NSUN6: variants seen among roughly 807,000 people sequenced by gnomAD.
NSUN6 encodes the protein NOP2/Sun RNA methyltransferase 6.
A neutral mutation model predicts 58.0 loss-of-function variants in NSUN6; 64 were observed. The observed-to-expected ratio is 1.10, with a 90% CI of 0.90 to 1.36. The LOEUF (loss-of-function observed/expected upper bound fraction) is 1.36, where lower values mean the gene tolerates loss of function less well. Ranked by LOEUF, NSUN6 falls within the 40% of genes most tolerant of loss-of-function variation. The pLI is 0.00. For synonymous variants in NSUN6, 231 were observed against 193.9 expected (o/e 1.19, Z -1.59); for missense variants, 701 against 550.1 (o/e 1.27, Z -2.74).
intron 8 of NSUN6, among the ~76,000 whole-genome samples, chr10:18,585,178 A>C (rs1189020988): frequency 1.3e-5 from 2 of 152,182 alleles, no homozygotes; most frequent in Non-Finnish European, 2.9e-5. Flanking sequence ...ATATGCCGGC[A>C]AGGATGCAGA....
intron 8 of NSUN6, among the ~76,000 whole-genome samples, chr10:18,569,283 T>A (rs1241107147): frequency 6.6e-6 from 1 of 150,598 alleles, no homozygotes; most frequent in Non-Finnish European, 1.5e-5. Flanking sequence ...CCATTCTCCA[T>A]ACCATCCTCC....
Position 18,614,562 on chromosome 10 carries a change from C to T in NSUN6, c.473G>A (p.Cys158Tyr), listed in dbSNP as rs1430645827. 2.0e-6 allele frequency: 3 copies of T among 1,523,532 alleles called. No individual in the cohort carries two copies. The highest frequency in any genetic ancestry group is 2.5e-5 in the South Asian group (2 of 81,584). 94.4% of individuals were successfully genotyped at this position (1,523,532 alleles called of 1,614,324 possible). The change falls in exon 5 of 11, where the codon TGT becomes TAT. Residue 158 changes from cysteine to tyrosine, a missense_variant. Transcript: ENST00000377304. ...ATCAAATTCTTTGGCTCCTTTCTTA[C>T]ATTTTCCTTTAATATCAGAGTATAC... The part of the protein sequence containing the change: ...ISVYSDIKGK[C>Y]KKGAKEFDGT...
upstream of NSUN6, among the ~76,000 whole-genome samples, chr10:18,655,429 T>C (rs1370671447): frequency 6.6e-6 from 1 of 152,200 alleles, no homozygotes; most frequent in Non-Finnish European, 1.5e-5. Context: ...GGTAGAGTGC[T>C]TTAAATGGTA....
intron 2 of NSUN6, among the ~76,000 whole-genome samples, chr10:18,643,581 T>A (rs1454372179): frequency 6.6e-6 from 1 of 152,176 alleles, no homozygotes; most frequent in Non-Finnish European, 1.5e-5. Flanking sequence ...AGTCACCAGC[T>A]CTCTGAACTT....
chr10:18,569,701 C>T (rs1777410077), intron 8 of NSUN6, among the ~76,000 whole-genome samples: 1 of 150,168 alleles, frequency 6.7e-6, no homozygotes, highest in Non-Finnish European at 1.5e-5. Context: ...CTCCATTCCA[C>T]TCTCCATTCT....
chr10:18,631,809 C>G (rs1037861496), intron 3 of NSUN6, among the ~76,000 whole-genome samples: 21 of 151,976 alleles, frequency 1.4e-4, no homozygotes, highest in African/African-American at 4.6e-4. Flanking sequence ...GAATCAATAT[C>G]GTAAAAATGG....
intron 8 of NSUN6, among the ~76,000 whole-genome samples, chr10:18,573,994 C>T (rs1190716329): frequency 1.3e-5 from 2 of 152,036 alleles, no homozygotes; most frequent in Non-Finnish European, 2.9e-5. Context: ...TTAATCAAGT[C>T]GAGGAGCTGA....
upstream of NSUN6, chr10:18,654,497 C>T (rs1412587398): frequency 6.6e-6 from 1 of 152,230 alleles, no homozygotes; most frequent in Non-Finnish European, 1.5e-5. Flanking sequence ...GTCACCCATT[C>T]ACCCATAAAT....
intron 3 of NSUN6, among the ~76,000 whole-genome samples, chr10:18,622,132 C>A (rs1042916357): frequency 1.3e-5 from 2 of 152,102 alleles, no homozygotes; most frequent in African/African-American, 4.8e-5. Context: ...CCAAAATTCA[C>A]ATGCTGAAAC....
chr10:18,582,156 C>T (rs1192473786), intron 8 of NSUN6, among the ~76,000 whole-genome samples: 1 of 152,184 alleles, frequency 6.6e-6, no homozygotes, highest in Non-Finnish European at 1.5e-5. Context: ...GAGATCTTAT[C>T]AGAATGCTGA....
chr10:18,601,741 G>T (rs779594590), intron 6 of NSUN6, among the ~76,000 whole-genome samples: 6 of 152,022 alleles, frequency 3.9e-5, no homozygotes, highest in Non-Finnish European at 8.8e-5. Context: ...CCAGGACTTC[G>T]GGAAGCTGAG....
At chr10:18,619,972 T>C (rs1446518746) in intron 3 of NSUN6, among the ~76,000 whole-genome samples, 1 of 152,206 alleles carries the variant, frequency 6.6e-6, no homozygotes, top group Non-Finnish European at 1.5e-5. Context: ...TAAATATTCA[T>C]TGAAAACATT....
At chr10:18,550,691 A>T (rs1026402916) in intron 9 of NSUN6, among the ~76,000 whole-genome samples, 1 of 147,566 alleles carries the variant, frequency 6.8e-6, no homozygotes, top group Admixed American at 6.8e-5. Context: ...TTTGCTCCCT[A>T]TTGGGCCTTC....
intron 7 of NSUN6, among the ~76,000 whole-genome samples, chr10:18,587,840 A>T (rs1335627138): frequency 6.6e-6 from 1 of 151,366 alleles, no homozygotes; most frequent in Non-Finnish European, 1.5e-5. Context: ...CAAGCACAAA[A>T]CTGGGCGGCC....
chr10:18,638,396 C>T (rs141097706), intron 3 of NSUN6, among the ~76,000 whole-genome samples: 3,225 of 152,182 alleles, frequency 0.021, 42 homozygotes, highest in Middle Eastern at 0.061. Flanking sequence ...GAGCCAAGAT[C>T]GTGCCACTGC....
intron 2 of NSUN6, among the ~76,000 whole-genome samples, chr10:18,648,272 T>C (rs992855756): frequency 1.3e-5 from 2 of 152,182 alleles, no homozygotes; most frequent in African/African-American, 4.8e-5. Context: ...AATGAGCTAT[T>C]TTAGTCACCA....
chr10:18,601,701 G>A (rs1250655756), intron 6 of NSUN6, among the ~76,000 whole-genome samples: 2 of 152,134 alleles, frequency 1.3e-5, no homozygotes, highest in African/African-American at 4.8e-5. Flanking sequence ...AAGGAAATAA[G>A]GCTGGGTCTG....
At chr10:18,582,687 T>C (rs976121181) in intron 8 of NSUN6, among the ~76,000 whole-genome samples, 5 of 152,170 alleles carry the variant, frequency 3.3e-5, no homozygotes, top group Non-Finnish European at 7.3e-5. Flanking sequence ...GTAACAGTGC[T>C]CTGTAATGCC....
intron 3 of NSUN6, among the ~76,000 whole-genome samples, chr10:18,623,736 T>C (rs2058689752): frequency 6.6e-6 from 1 of 152,246 alleles, no homozygotes; most frequent in African/African-American, 2.4e-5. Context: ...CCAACTTTGC[T>C]GCTCATGACT....
Sources: gnomAD v4.1 joint callset for allele counts (sites outside exome capture counted in the v4.1 genomes callset) on GRCh38, gnomAD v4.1.1 for gene constraint, MANE v1.5 for transcripts, NCBI Gene and HGNC (gene_info 2026-07-23, HGNC 2026-07-21) for gene names.